TCF12: variants seen among roughly 807,000 people sequenced by gnomAD.
TCF12 encodes DNA-binding protein HTF4.
Under a neutral mutation model 86.0 loss-of-function variants are expected in TCF12, and 45 were observed. The observed-to-expected ratio is 0.52, with a 90% CI of 0.41 to 0.67. The LOEUF is 0.67. Ranked by LOEUF, TCF12 falls within the 30% of genes least tolerant of loss-of-function variation. The pLI is 0.00. For missense variants in TCF12, 881 were observed against 859.9 expected, an observed-to-expected ratio of 1.02 and a Z score of -0.31; for synonymous variants, 330 against 299.6, an observed-to-expected ratio of 1.10 and a Z score of -1.05.
At chr15:57,088,496 GT>G (rs5812864) in intron 4 of TCF12, among the ~76,000 whole-genome samples, 33,418 of 146,480 alleles carry the variant, frequency 0.23, 3,988 homozygotes, top group East Asian at 0.39. Context: ...AATTGCTTTA[GT>G]TTTTTTTTTT....
At chr15:57,197,279 C>G (rs1475770150) in intron 7 of TCF12, among the ~76,000 whole-genome samples, 1 of 151,230 alleles carries the variant, frequency 6.6e-6, no homozygotes, top group African/African-American at 2.4e-5. Flanking sequence ...GCCTCAACCT[C>G]CCGAGTCGCT....
In TCF12 at chr15:56,921,146, C is replaced by A. The variant is rs1193311677; in HGVS notation, c.148+48C>A. 8.4e-6 allele frequency: 12 copies of A among 1,425,916 alleles called. No individual in the cohort carries two copies. The South Asian group carries it at 1.4e-4, about 17-fold the overall frequency. The allele number at this position is 1,425,916 out of a possible 1,614,324, so 88.3% of individuals were successfully genotyped here. ...AGACTCATATTTTGGTGGTGTGATA[C>A]ATTTTAGTAGAAAAATAGAAAGCAT... On this transcript the variant is annotated intron_variant, in intron 3 of 20. Coordinates refer to ENST00000333725, the MANE Select transcript of TCF12 (RefSeq NM_207037.2).
At chr15:57,022,899 C>T (rs1212188720) in intron 3 of TCF12, among the ~76,000 whole-genome samples, 8 of 151,896 alleles carry the variant, frequency 5.3e-5, no homozygotes, top group Admixed American at 3.3e-4. Flanking sequence ...ATAGTCATAC[C>T]CTAATTTAAT....
At chr15:57,074,854 A>G (rs979435160) in intron 4 of TCF12, among the ~76,000 whole-genome samples, 3 of 152,230 alleles carry the variant, frequency 2.0e-5, no homozygotes, top group Non-Finnish European at 4.4e-5. Context: ...TTAAAAGGAT[A>G]TGCATCTCAC....
chr15:57,027,260 G>C (rs1596191883), intron 3 of TCF12, among the ~76,000 whole-genome samples: 1 of 152,188 alleles, frequency 6.6e-6, no homozygotes, highest in African/African-American at 2.4e-5. Flanking sequence ...CGGGTCATCA[G>C]ATTTCTGTCA....
rs761406279 is a variant in TCF12 at position 57,263,277 on chromosome 15, A to G, written c.1745+3A>G. The G allele has an allele frequency of 4.7e-5, 76 of 1,600,404 alleles. No individual in the cohort carries two copies. The highest frequency in any genetic ancestry group is 6.4e-5 in the Non-Finnish European group (75 of 1,177,186). On this transcript the variant is annotated splice_donor_region_variant and intron_variant, in intron 18 of 20. Coordinates refer to ENST00000333725, the MANE Select transcript of TCF12 (RefSeq NM_207037.2). ...GTTTCATCTAGAGGCAGAACAAGGT[A>G]TTTGTTAGCATCCAGGTTTTAAATT... is the stretch of plus-strand genomic sequence containing the variant.
intron 3 of TCF12, among the ~76,000 whole-genome samples, chr15:57,062,282 C>T (rs2141707547): frequency 6.6e-6 from 1 of 152,084 alleles, no homozygotes; most frequent in East Asian, 1.9e-4. Context: ...ACATGACATT[C>T]CCCAAACTCA....
At chr15:57,045,348 C>G (rs2067162142) in intron 3 of TCF12, among the ~76,000 whole-genome samples, 1 of 151,914 alleles carries the variant, frequency 6.6e-6, no homozygotes, top group African/African-American at 2.4e-5. Flanking sequence ...TTTTTATTGT[C>G]TAGGTTTTTA....
At position 57,178,707 on chromosome 15, in the gene TCF12, A is replaced by G. The variant is rs1395670947; in HGVS notation, c.390+12241A>G. Among the ~76,000 whole-genome samples the G allele has an allele frequency of 2.6e-5, 4 of 152,246 alleles. No homozygotes were observed. In the South Asian group the frequency reaches 8.3e-4, roughly 32 times the overall value. On this transcript the variant is annotated intron_variant, in intron 6 of 20. Coordinates refer to ENST00000333725, the MANE Select transcript of TCF12 (RefSeq NM_207037.2). ...TAGCCCTTTTTAATAAGAGAGTTGT[A>G]AATTCAGGCATTCAGAAAAACTACT... is the stretch of plus-strand genomic sequence containing the variant.
At chr15:56,950,745 GTTTTTTTTTTTTT>G (rs71113040) in intron 3 of TCF12, among the ~76,000 whole-genome samples, 1 of 85,900 alleles carries the variant, frequency 1.2e-5, no homozygotes, top group Admixed American at 1.6e-4. Flanking sequence ...TTATGACCAT[GTTTTTTTTTTTTT>G]TTTTTTTTTT....
At chr15:56,929,104 G>A (rs2060137523) in intron 3 of TCF12, among the ~76,000 whole-genome samples, 1 of 152,118 alleles carries the variant, frequency 6.6e-6, no homozygotes, top group Admixed American at 6.5e-5. Flanking sequence ...TAAAACTGAA[G>A]TTCTAAAGTT....
chr15:57,139,887 A>G (rs2052832119), intron 5 of TCF12, among the ~76,000 whole-genome samples: 1 of 152,178 alleles, frequency 6.6e-6, no homozygotes, highest in African/African-American at 2.4e-5. Context: ...AACTTCATTC[A>G]CTCACAGTCC....
intron 3 of TCF12, among the ~76,000 whole-genome samples, chr15:57,027,569 C>G (rs2065897452): frequency 6.6e-6 from 1 of 151,870 alleles, no homozygotes; most frequent in Non-Finnish European, 1.5e-5. Context: ...TGGATACATA[C>G]TGAGTAGAGG....
Position 57,273,275 on chromosome 15 carries a change from A to C in TCF12, c.1978+13A>C, listed in dbSNP as rs2061229470. 1.2e-6 allele frequency: 2 copies of C among 1,612,534 alleles called. No homozygotes were observed. Among genetic ancestry groups the C allele is most frequent in the African/African-American group, 2.7e-5 (2 of 74,878 alleles). ...CAGCAAGTCAGAGGTAAGTAGGTTC[A>C]GCCGAGATGTATAACTGTTCTGCTT... On this transcript the variant is annotated intron_variant, in intron 19 of 20. Transcript: ENST00000333725.
chr15:57,241,218 G>T (rs372871199), intron 12 of TCF12, among the ~76,000 whole-genome samples: 1 of 151,520 alleles, frequency 6.6e-6, no homozygotes, highest in Non-Finnish European at 1.5e-5. Flanking sequence ...CTCAGACCCC[G>T]CGAGTAGCTG....
chr15:57,062,157 C>T (rs561374742), intron 3 of TCF12, among the ~76,000 whole-genome samples: 10 of 152,084 alleles, frequency 6.6e-5, no homozygotes, highest in South Asian at 2.1e-4. Flanking sequence ...GGGGTTTCTC[C>T]GTATTAGCCA....
chr15:57,190,200 T>C (rs75027461), intron 6 of TCF12, among the ~76,000 whole-genome samples: 1 of 152,214 alleles, frequency 6.6e-6, no homozygotes, highest in Non-Finnish European at 1.5e-5. Flanking sequence ...GCCACTGATT[T>C]GAAATGAAAT....
intron 3 of TCF12, among the ~76,000 whole-genome samples, chr15:56,932,403 A>G (rs1254366123): frequency 2.0e-5 from 3 of 152,178 alleles, no homozygotes; most frequent in Non-Finnish European, 4.4e-5. Flanking sequence ...CTACAAGAGC[A>G]TGGTTTGTCT....
At chr15:57,060,034 C>T (rs2068341476) in intron 3 of TCF12, among the ~76,000 whole-genome samples, 2 of 152,224 alleles carry the variant, frequency 1.3e-5, no homozygotes, top group African/African-American at 2.4e-5. Context: ...GGAGTAATGG[C>T]AGATGTTGGA....
Sources: allele counts gnomAD v4.1 joint callset (sites outside exome capture counted in the v4.1 genomes callset), GRCh38; gene constraint gnomAD v4.1.1; transcripts MANE v1.5; gene names NCBI Gene and HGNC (gene_info 2026-07-23, HGNC 2026-07-21).